ARHGEF3: variants seen among roughly 807,000 people sequenced by gnomAD.
The protein encoded by ARHGEF3 is 59.8 kDA protein.
Under a neutral mutation model 63.2 loss-of-function variants are expected in ARHGEF3, and 28 were observed. The ratio of observed to expected loss-of-function variants is 0.44; its 90% CI spans 0.33 to 0.61. The LOEUF (loss-of-function observed/expected upper bound fraction) is 0.61. Ranked by LOEUF, ARHGEF3 falls within the 20% of genes least tolerant of loss-of-function variation. The pLI is 0.03. For synonymous variants in ARHGEF3, 266 were observed against 254.2 expected, an observed-to-expected ratio of 1.05 and a Z score of -0.44; for missense variants, 533 against 659.3, an observed-to-expected ratio of 0.81 and a Z score of 2.10.
intron 6 of ARHGEF3, among the ~76,000 whole-genome samples, chr3:56,747,055 A>G (rs1035210253): frequency 1.6e-4 from 20 of 127,138 alleles, no homozygotes; most frequent in East Asian, 5.3e-4. Context: ...ACATGCGCGC[A>G]CACACACACA....
At chr3:56,851,376 C>A (rs1357869615) in intron 4 of ARHGEF3, among the ~76,000 whole-genome samples, 1 of 152,154 alleles carries the variant, frequency 6.6e-6, no homozygotes, top group African/African-American at 2.4e-5. Context: ...GTCTTTCCTT[C>A]AATACTATTG....
At position 56,865,070 on chromosome 3, in the gene ARHGEF3, A is replaced by G. The variant is rs561969851; in HGVS notation, c.192+17222T>C. ...CCCTTCATACCATCCCTATTTCCAG[A>G]CACATTCTTCATGAGTTGCCAGAAG... On this transcript the variant is annotated intron_variant, in intron 4 of 12. Transcript: ENST00000338458. 1.8e-4 allele frequency among the ~76,000 whole-genome samples: 28 copies of G among 152,260 alleles called. No homozygotes were observed. In the South Asian group the frequency reaches 5.4e-3, roughly 29 times the overall value.
intron 2 of ARHGEF3, among the ~76,000 whole-genome samples, chr3:56,763,306 C>T (rs2035525470): frequency 6.6e-6 from 1 of 152,208 alleles, no homozygotes; most frequent in African/African-American, 2.4e-5. Flanking sequence ...CCACAGACCA[C>T]ACTGCCACTA....
At chr3:57,002,481 A>ATATATATATATATATATATATATGT (rs1560122783) in intron 2 of ARHGEF3, among the ~76,000 whole-genome samples, 1 of 19,480 alleles carries the variant, frequency 5.1e-5, no homozygotes, top group East Asian at 1.5e-3. Flanking sequence ...TATATATGTT[A>ATATATATATATATATATATATATGT]TATATATATA....
chr3:56,896,834 T>C (rs2041319258), intron 3 of ARHGEF3, among the ~76,000 whole-genome samples: 1 of 152,220 alleles, frequency 6.6e-6, no homozygotes, highest in African/African-American at 2.4e-5. Context: ...GAGTCTTTCT[T>C]AGCACATCAC....
intron 3 of ARHGEF3, among the ~76,000 whole-genome samples, chr3:56,940,390 T>A (rs906739629): frequency 6.6e-6 from 1 of 152,158 alleles, no homozygotes; most frequent in Admixed American, 6.5e-5. Flanking sequence ...GATAACTATA[T>A]AAAATAAACA....
chr3:56,856,311 G>A (rs2039880848), intron 4 of ARHGEF3, among the ~76,000 whole-genome samples: 1 of 152,222 alleles, frequency 6.6e-6, no homozygotes, highest in South Asian at 2.1e-4. Context: ...AGGACAGTGA[G>A]TCAACATTTT....
chr3:56,789,023 C>A lies in ARHGEF3; in HGVS notation c.96+12680G>T, dbSNP rs149704831. ...AACTGATCTACGTTCAAGATAGATG[C>A]TGCTGCTGCTGCTGCTGCTGCTGCT... On this transcript the variant is annotated intron_variant, in intron 1 of 9. Transcript: ENST00000296315. 7.2e-3 allele frequency among the ~76,000 whole-genome samples: 727 copies of A among 100,710 alleles called. 7 individuals are homozygous for A. Among genetic ancestry groups the A allele is most frequent in the Non-Finnish European group, 7.4e-3 (385 of 51,824 alleles). 66.1% of individuals were successfully genotyped at this position (100,710 alleles called of 152,430 possible).
intron 2 of ARHGEF3, among the ~76,000 whole-genome samples, chr3:56,964,691 T>A (rs575563578): frequency 5.3e-4 from 81 of 152,178 alleles, no homozygotes; most frequent in African/African-American, 1.9e-3. Flanking sequence ...TGCTTTTTTT[T>A]AAGTGGTAGT....
chr3:56,827,596 T>C lies in ARHGEF3; in HGVS notation c.193-53780A>G, dbSNP rs546764210. On this transcript the variant is annotated intron_variant, in intron 4 of 12. Coordinates refer to the ARHGEF3 transcript ENST00000338458. ...GTGCGCAGTAAATGTCTGTTGTTGC[T>C]AGTAAAGCAGACATTTGAAAATTAA... is the stretch of plus-strand genomic sequence containing the variant. 2.6e-5 allele frequency among the ~76,000 whole-genome samples: 4 copies of C among 151,886 alleles called. No homozygotes were observed. In the South Asian group the frequency reaches 8.3e-4, roughly 32 times the overall value.
chr3:56,799,389 C>G (rs1222644736), intron 1 of ARHGEF3, among the ~76,000 whole-genome samples: 2 of 152,176 alleles, frequency 1.3e-5, no homozygotes, highest in Non-Finnish European at 2.9e-5. Flanking sequence ...CACAGGTGCT[C>G]TGTTGCAACG....
chr3:56,801,889 G>A lies in ARHGEF3; in HGVS notation c.-91C>T, dbSNP rs1286739556. ...CAAAAGGGGGCCCCAGCTCCACGAT[G>A]CCGGGCGGCGGCGGCGACACGGAGA... On this transcript the variant is annotated 5_prime_UTR_variant, in exon 1 of 10. Coordinates refer to ENST00000296315, the MANE Select transcript of ARHGEF3 (RefSeq NM_019555.3). 2 of 1,548,400 alleles carry A rather than the reference G, an allele frequency of 1.3e-6. No individual in the cohort carries two copies. Among genetic ancestry groups the A allele is most frequent in the Non-Finnish European group, 8.7e-7 (1 of 1,146,638 alleles).
intron 3 of ARHGEF3, among the ~76,000 whole-genome samples, chr3:56,952,539 C>T (rs1314707470): frequency 6.6e-6 from 1 of 152,176 alleles, no homozygotes; most frequent in African/African-American, 2.4e-5. Context: ...TAATTTGTTA[C>T]TCAGCAGTAG....
intron 1 of ARHGEF3, among the ~76,000 whole-genome samples, chr3:57,051,286 G>C (rs147587917): frequency 2.4e-4 from 36 of 152,080 alleles, no homozygotes; most frequent in African/African-American, 8.2e-4. Flanking sequence ...TCAGGAGTTC[G>C]AGACCAGCCT....
rs9859485 is a variant in ARHGEF3 at position 57,014,921 on chromosome 3, G to A, written c.62+20167C>T. Among the ~76,000 whole-genome samples the A allele has an allele frequency of 5.8e-3, 881 of 152,094 alleles. 8 individuals carry two copies. Among genetic ancestry groups the A allele is most frequent in the African/African-American group, 0.021 (851 of 41,502 alleles). ...AGGATGGTCTCGATCTCCTGACCTC[G>A]TGATCCTCCCGCCTCGGCCTCCCAA... On this transcript the variant is annotated intron_variant, in intron 2 of 12. Coordinates refer to the ARHGEF3 transcript ENST00000338458.
chr3:57,016,142 A>C (rs1450907070), intron 2 of ARHGEF3, among the ~76,000 whole-genome samples: 3 of 152,106 alleles, frequency 2.0e-5, no homozygotes. Flanking sequence ...ACTGAAATCC[A>C]CCTTCCAATC....
At chr3:56,966,318 G>A (rs889542849) in intron 2 of ARHGEF3, among the ~76,000 whole-genome samples, 1 of 152,196 alleles carries the variant, frequency 6.6e-6, no homozygotes, top group Non-Finnish European at 1.5e-5. Context: ...TGTAGGATGA[G>A]GGCCCTGGAA....
Position 56,949,909 on chromosome 3 carries a change from C to T in ARHGEF3, c.129+8914G>A, listed in dbSNP as rs571219918. ...TACAAGGCTACAGTAACCAAAACAG[C>T]ATGGTACTGGTACCAAAACAGAGAT... On this transcript the variant is annotated intron_variant, in intron 3 of 12. Transcript: ENST00000338458. 5.3e-5 allele frequency among the ~76,000 whole-genome samples: 8 copies of T among 152,154 alleles called. No individual in the cohort carries two copies. In the South Asian group the frequency reaches 1.5e-3, roughly 28 times the overall value.
chr3:56,846,213 TA>T (rs746753072), intron 4 of ARHGEF3, among the ~76,000 whole-genome samples: 10 of 152,242 alleles, frequency 6.6e-5, no homozygotes, highest in Non-Finnish European at 1.3e-4. Flanking sequence ...GGGAGCTTTA[TA>T]TATGTCTTTA....
Sources: gnomAD v4.1 joint callset for allele counts (sites outside exome capture counted in the v4.1 genomes callset) on GRCh38, gnomAD v4.1.1 for gene constraint, MANE v1.5 for transcripts, NCBI Gene and HGNC (gene_info 2026-07-23, HGNC 2026-07-21) for gene names.